Variants in EPHB2 observed in about 807,000 individuals in gnomAD.
EPHB2 encodes EPH receptor B2.
A neutral mutation model predicts 96.4 loss-of-function variants in EPHB2; 18 were observed. The ratio of observed to expected loss-of-function variants is 0.19; its 90% CI spans 0.13 to 0.28. The LOEUF is 0.28. Ranked by LOEUF, EPHB2 falls within the 10% of genes least tolerant of loss-of-function variation. EPHB2 has a pLI of 1.00. For synonymous variants in EPHB2, 506 were observed against 534.1 expected (o/e 0.95, Z 0.72); for missense variants, 989 against 1,355.4 (o/e 0.73, Z 4.25).
At chr1:22,760,367 G>A (rs1305530654) in intron 1 of EPHB2, among the ~76,000 whole-genome samples, 3 of 152,184 alleles carry the variant, frequency 2.0e-5, no homozygotes, top group South Asian at 2.1e-4. Context: ...TCAATTCCAC[G>A]CATGGTAGTG....
chr1:22,869,257 T>C (rs1225494386), intron 5 of EPHB2, among the ~76,000 whole-genome samples: 1 of 152,068 alleles, frequency 6.6e-6, no homozygotes, highest in Non-Finnish European at 1.5e-5. Flanking sequence ...TAGGTCCTAC[T>C]ACTTAAGTGA....
At chr1:22,734,747 G>A (rs1232196732) in intron 1 of EPHB2, among the ~76,000 whole-genome samples, 1 of 152,102 alleles carries the variant, frequency 6.6e-6, no homozygotes, top group Non-Finnish European at 1.5e-5. Flanking sequence ...TTTTGCTGTG[G>A]TTCTTAATTT....
intron 3 of EPHB2, among the ~76,000 whole-genome samples, chr1:22,819,412 G>A (rs769420250): frequency 6.6e-6 from 1 of 152,088 alleles, no homozygotes; most frequent in Non-Finnish European, 1.5e-5. Flanking sequence ...GATCCAGGTC[G>A]AAGGGCAGTC....
chr1:22,823,032 A>C (rs1645174298), intron 3 of EPHB2, among the ~76,000 whole-genome samples: 1 of 152,110 alleles, frequency 6.6e-6, no homozygotes. Context: ...TCCCAGAGCA[A>C]GGGCAACAGT....
At chr1:22,874,513 C>A (rs1237354885) in intron 5 of EPHB2, among the ~76,000 whole-genome samples, 1 of 152,212 alleles carries the variant, frequency 6.6e-6, no homozygotes, top group Non-Finnish European at 1.5e-5. Flanking sequence ...GGCCAGGTAA[C>A]CAGGGGTAGA....
chr1:22,788,255 G>A (rs764818299), intron 3 of EPHB2, among the ~76,000 whole-genome samples: 1 of 152,166 alleles, frequency 6.6e-6, no homozygotes, highest in South Asian at 2.1e-4. Flanking sequence ...GTGCAAGGTG[G>A]GGCAGGGTTA....
intron 3 of EPHB2, among the ~76,000 whole-genome samples, chr1:22,844,107 T>C (rs1417185805): frequency 6.6e-6 from 1 of 152,246 alleles, no homozygotes; most frequent in Non-Finnish European, 1.5e-5. Flanking sequence ...GCAGTGAACA[T>C]ACATGTGCAT....
Position 22,785,019 on chromosome 1 carries a change from G to A in EPHB2, c.754G>A (p.Gly252Arg), listed in dbSNP as rs2148425598. ...NGDGEWLVPI[G>R]RCMCKAGFEA... ...GGACGGCGAGTGGCTGGTGCCCATCGGGCGCTGCATGTGCAAAGCAGGCTT... is the reference window on the plus strand; with the variant it reads ...GGACGGCGAGTGGCTGGTGCCCATCAGGCGCTGCATGTGCAAAGCAGGCTT... Residue 252 changes from glycine (G) to arginine (R), a missense_variant, in exon 3 of 16, where the codon GGG (glycine) becomes AGG (arginine). By Grantham distance (125) the Gly-to-Arg change is moderately radical. Coordinates refer to ENST00000374630, the MANE Select transcript of EPHB2 (RefSeq NM_017449.5). 2.5e-6 allele frequency: 4 copies of A among 1,613,668 alleles called. No homozygotes were observed. The highest frequency in any genetic ancestry group is 3.4e-6 in the Non-Finnish European group (4 of 1,180,040).
At chr1:22,842,306 G>T (rs556912058) in intron 3 of EPHB2, among the ~76,000 whole-genome samples, 3 of 152,162 alleles carry the variant, frequency 2.0e-5, no homozygotes, top group African/African-American at 7.2e-5. Context: ...AAGGAAATAC[G>T]TTTATTCCTT....
At chr1:22,743,915 A>G (rs1321786380) in intron 1 of EPHB2, among the ~76,000 whole-genome samples, 1 of 152,226 alleles carries the variant, frequency 6.6e-6, no homozygotes, top group Non-Finnish European at 1.5e-5. Flanking sequence ...GAAGCTTGAT[A>G]TGGCATCCGG....
intron 3 of EPHB2, among the ~76,000 whole-genome samples, chr1:22,792,877 G>A (rs946457338): frequency 5.3e-5 from 8 of 152,190 alleles, no homozygotes; most frequent in Non-Finnish European, 1.0e-4. Flanking sequence ...GGCAGGGAGG[G>A]TCTGTGGAAG....
intron 1 of EPHB2, among the ~76,000 whole-genome samples, chr1:22,751,328 A>T (rs189772682): frequency 6.6e-6 from 1 of 152,190 alleles, no homozygotes; most frequent in African/African-American, 2.4e-5. Context: ...GCCAGGTGGC[A>T]GGAGCACAGA....
Position 22,807,407 on chromosome 1 carries a change from G to A in EPHB2, c.811+22331G>A, listed in dbSNP as rs556312747. Among the ~76,000 whole-genome samples the A allele has an allele frequency of 4.6e-5, 7 of 152,306 alleles. No homozygotes were observed. The East Asian group carries it at 1.3e-3, about 29-fold the overall frequency. On this transcript the variant is annotated intron_variant, in intron 3 of 15. Transcript: ENST00000374630. ...GCTGCCAAGGCGCTCAGAACGGCTT[G>A]GTGACTTGGTCAGGCATGACAAGGA...
chr1:22,743,150 C>T (rs763211169), intron 1 of EPHB2, among the ~76,000 whole-genome samples: 2 of 152,162 alleles, frequency 1.3e-5, no homozygotes, highest in Non-Finnish European at 2.9e-5. Context: ...CCTCAGCCTC[C>T]TGAAACAGTG....
At chr1:22,826,557 C>T (rs951500352) in intron 3 of EPHB2, among the ~76,000 whole-genome samples, 4 of 152,220 alleles carry the variant, frequency 2.6e-5, no homozygotes, top group African/African-American at 9.6e-5. Flanking sequence ...CATCGGAGGA[C>T]TGGAGAGGTA....
At chr1:22,840,013 C>T (rs1352390832) in intron 3 of EPHB2, among the ~76,000 whole-genome samples, 2 of 152,168 alleles carry the variant, frequency 1.3e-5, no homozygotes, top group Non-Finnish European at 2.9e-5. Flanking sequence ...GAACGTAGCC[C>T]TGGCGCAGTG....
chr1:22,821,157 G>A (rs1047490203), intron 3 of EPHB2, among the ~76,000 whole-genome samples: 1 of 152,124 alleles, frequency 6.6e-6, no homozygotes, highest in Non-Finnish European at 1.5e-5. Flanking sequence ...AAGAGGAAGC[G>A]GTAAAGATAG....
chr1:22,767,638 G>A (rs1483944803), intron 1 of EPHB2, among the ~76,000 whole-genome samples: 1 of 152,136 alleles, frequency 6.6e-6, no homozygotes, highest in East Asian at 1.9e-4. Flanking sequence ...GATGCTAGGG[G>A]TGGAAGTAGC....
Position 22,751,373 on chromosome 1 carries a change from G to A in EPHB2, c.62-30048G>A, listed in dbSNP as rs562172786. 9.8e-5 allele frequency among the ~76,000 whole-genome samples: 15 copies of A among 152,356 alleles called. No individual in the cohort carries two copies. The South Asian group carries it at 2.9e-3, about 29-fold the overall frequency. On this transcript the variant is annotated intron_variant, in intron 1 of 15. Transcript: ENST00000374630. ...ACCTGCCCAGAAGTGTCCCGGTGCT[G>A]TAACAGGATCCCTGTTATCTCTGCT...
Sources: gnomAD v4.1 joint callset for allele counts (sites outside exome capture counted in the v4.1 genomes callset) on GRCh38, gnomAD v4.1.1 for gene constraint, MANE v1.5 for transcripts, NCBI Gene and HGNC (gene_info 2026-07-23, HGNC 2026-07-21) for gene names.